STX8: variants seen among roughly 807,000 people sequenced by gnomAD.
STX8 encodes the protein syntaxin 8, also known as syntaxin-8.
A neutral mutation model predicts 37.5 loss-of-function variants in STX8; 23 were observed. That is an observed-to-expected ratio of 0.61 (90% CI 0.44 to 0.87). The LOEUF is 0.87. Ranked by LOEUF, STX8 falls within the 40% of genes least tolerant of loss-of-function variation. STX8 has a pLI of 0.00. For missense variants in STX8, 313 were observed against 284.7 expected, an observed-to-expected ratio of 1.10 and a Z score of -0.71; for synonymous variants, 115 against 99.1, an observed-to-expected ratio of 1.16 and a Z score of -0.95.
At chr17:9,568,496 A>G (rs1283814328) in intron 1 of STX8, 26 bp from the exon 2 acceptor site, 1 of 1,591,338 alleles carries the variant, frequency 6.3e-7, no homozygotes, top group Non-Finnish European at 8.6e-7. Context: ...AAAAAGAGAA[A>G]ATGTTTAAGG....
intron 7 of STX8, among the ~76,000 whole-genome samples, chr17:9,369,704 C>T (rs1911341135): frequency 1.3e-5 from 2 of 150,020 alleles, no homozygotes; most frequent in Admixed American, 1.3e-4. Context: ...CCAGCCTGGG[C>T]AACATGGTGA....
chr17:9,334,148 T>A (rs1033502985), intron 7 of STX8, among the ~76,000 whole-genome samples: 1 of 32,858 alleles, frequency 3.0e-5, no homozygotes, highest in Admixed American at 3.5e-4. Flanking sequence ...CGGGGGGGTG[T>A]GGGGGTGGGG....
intron 6 of STX8, among the ~76,000 whole-genome samples, chr17:9,471,033 T>C (rs1318389891): frequency 3.1e-5 from 3 of 95,776 alleles, no homozygotes; most frequent in African/African-American, 1.4e-4. Flanking sequence ...GCATCCTGCT[T>C]TTTTTTTTTT....
intron 6 of STX8, among the ~76,000 whole-genome samples, chr17:9,468,271 G>A (rs1355902983): frequency 4.6e-5 from 7 of 151,866 alleles, no homozygotes; most frequent in African/African-American, 1.2e-4. Flanking sequence ...CACCGCACCC[G>A]GCTAATTTTT....
At chr17:9,356,199 T>C (rs1910876725) in intron 7 of STX8, among the ~76,000 whole-genome samples, 1 of 152,206 alleles carries the variant, frequency 6.6e-6, no homozygotes, top group Admixed American at 6.5e-5. Flanking sequence ...TTCCTTCCAG[T>C]AGCTCAGTGT....
chr17:9,424,714 A>G (rs1201890927), intron 6 of STX8, among the ~76,000 whole-genome samples: 6 of 152,192 alleles, frequency 3.9e-5, no homozygotes, highest in Non-Finnish European at 8.8e-5. Context: ...TATGGTAGAT[A>G]CTTGTAGTAT....
At chr17:9,278,451 GAA>G (rs111575173) in intron 7 of STX8, among the ~76,000 whole-genome samples, 2 of 132,442 alleles carry the variant, frequency 1.5e-5, no homozygotes, top group Non-Finnish European at 1.6e-5. Context: ...TTCCATCTCA[GAA>G]AAAAAAAAAA....
intron 7 of STX8, among the ~76,000 whole-genome samples, chr17:9,274,775 G>T (rs113242807): frequency 1.1e-5 from 1 of 90,684 alleles, no homozygotes; most frequent in African/African-American, 3.7e-5. Flanking sequence ...TTTTTGAGAC[G>T]GAGTCTCGCT....
intron 4 of STX8, among the ~76,000 whole-genome samples, chr17:9,518,597 G>A (rs114947548): frequency 0.035 from 5,343 of 152,236 alleles, 297 homozygotes; most frequent in African/African-American, 0.12. Flanking sequence ...AGCCAGGCGT[G>A]GTGGCTCATG....
chr17:9,472,411 G>A (rs1905910754), intron 6 of STX8, among the ~76,000 whole-genome samples: 1 of 152,166 alleles, frequency 6.6e-6, no homozygotes, highest in South Asian at 2.1e-4. Context: ...AGTCCTCCTA[G>A]CAAACCACTA....
intron 6 of STX8, among the ~76,000 whole-genome samples, chr17:9,403,955 C>T (rs1055200271): frequency 2.6e-5 from 4 of 152,074 alleles, no homozygotes; most frequent in Non-Finnish European, 5.9e-5. Context: ...CCACATACAA[C>T]TCTTTTGACT....
intron 4 of STX8, among the ~76,000 whole-genome samples, chr17:9,523,636 C>T (rs2054150350): frequency 6.6e-6 from 1 of 152,194 alleles, no homozygotes; most frequent in Non-Finnish European, 1.5e-5. Flanking sequence ...CTAATGATTT[C>T]CATCTTTGTC....
chr17:9,493,719 G>A (rs1374704775), intron 5 of STX8, among the ~76,000 whole-genome samples: 1 of 152,160 alleles, frequency 6.6e-6, no homozygotes, highest in Non-Finnish European at 1.5e-5. Flanking sequence ...GTTCTGTTTT[G>A]AGAGTTCTTT....
At chr17:9,497,997 T>C (rs190073460) in intron 5 of STX8, among the ~76,000 whole-genome samples, 1 of 152,272 alleles carries the variant, frequency 6.6e-6, no homozygotes, top group African/African-American at 2.4e-5. Flanking sequence ...TAGTTGATGT[T>C]GTGTTGTCCA....
intron 4 of STX8, among the ~76,000 whole-genome samples, chr17:9,509,076 G>C (rs1904940186): frequency 6.6e-6 from 1 of 152,114 alleles, no homozygotes; most frequent in Non-Finnish European, 1.5e-5. Flanking sequence ...GTGAAACTCT[G>C]TCTCTACTAA....
intron 7 of STX8, among the ~76,000 whole-genome samples, chr17:9,343,018 CAAAAAAAAAAAA>C (rs4063994): frequency 9.0e-6 from 1 of 110,498 alleles, no homozygotes; most frequent in Non-Finnish European, 1.9e-5. Context: ...GAAACTGTCT[CAAAAAAAAAAAA>C]AAAAAAAAAA....
intron 6 of STX8, among the ~76,000 whole-genome samples, chr17:9,416,494 G>T (rs1426202446): frequency 6.6e-6 from 1 of 151,996 alleles, no homozygotes; most frequent in Non-Finnish European, 1.5e-5. Context: ...TCGGCCTCCC[G>T]AGTAGCTGGG....
intron 6 of STX8, among the ~76,000 whole-genome samples, chr17:9,400,586 G>T (rs1057344954): frequency 6.6e-6 from 1 of 151,572 alleles, no homozygotes; most frequent in African/African-American, 2.4e-5. Context: ...TGTATTTTTA[G>T]TAGAGACAGG....
At chr17:9,342,383 A>G (rs1259180406) in intron 7 of STX8, among the ~76,000 whole-genome samples, 1 of 152,132 alleles carries the variant, frequency 6.6e-6, no homozygotes, top group African/African-American at 2.4e-5. Flanking sequence ...GCAAGATAAG[A>G]GTAGTGTTTC....
Sources: gnomAD v4.1 joint callset for allele counts (sites outside exome capture counted in the v4.1 genomes callset) on GRCh38, gnomAD v4.1.1 for gene constraint, MANE v1.5 for transcripts, NCBI Gene and HGNC (gene_info 2026-07-23, HGNC 2026-07-21) for gene names.